Variants in EFL1 observed in about 807,000 individuals in gnomAD.
The protein encoded by EFL1 is elongation factor-like GTPase 1.
In EFL1, 76 loss-of-function variants were observed where a neutral mutation model predicts 126.7. The observed-to-expected ratio is 0.60, with a 90% confidence interval of 0.50 to 0.73. The LOEUF (loss-of-function observed/expected upper bound fraction) is 0.73, where lower values mean the gene tolerates loss of function less well. Among genes scored for constraint, EFL1 ranks in the 30% least tolerant of loss-of-function variants. The probability of loss-of-function intolerance (pLI) is 0.00; values close to 1 mark genes in which losing one functional copy is unlikely to be tolerated. For missense variants in EFL1, 1,128 were observed against 1,343.2 expected (o/e 0.84, Z 2.50); for synonymous variants, 410 against 448.4 (o/e 0.91, Z 1.08).
intron 9 of EFL1, 129 bp from the exon 10 acceptor site, chr15:82,228,456 A>C: frequency 8.2e-7 from 1 of 1,217,530 alleles, no homozygotes; most frequent in Non-Finnish European, 1.1e-6. Flanking sequence ...AAAATGATTG[A>C]AGGGAATCCT....
At chr15:82,225,809 C>T (rs1228954027) in intron 11 of EFL1, among the ~76,000 whole-genome samples, 1 of 152,170 alleles carries the variant, frequency 6.6e-6, no homozygotes, top group Non-Finnish European at 1.5e-5. Flanking sequence ...TCCCTAAATA[C>T]ACAAATTTTA....
rs761803659 is a variant in EFL1, at chr15:82,227,482, G to C, written c.1160C>G (p.Ser387Cys). The change falls in exon 11 of 20, where the codon TCT becomes TGT. Residue 387 changes from serine to cysteine, a missense_variant. Transcript: ENST00000268206. The part of the protein sequence containing the change: ...LMCTGSQTFD[S>C]FPPETQALKA... ...CAGTGCTTGAGTTTCTGGTGGAAAA[G>C]AGTCAAAAGTTTGTGATCCTGTGCA... is the stretch of plus-strand genomic sequence containing the variant. 7 of 1,614,138 alleles carry C rather than the reference G, an allele frequency of 4.3e-6. No homozygotes were observed. In the South Asian group the frequency reaches 6.6e-5, roughly 15 times the overall value.
At chr15:82,249,578 G>A (rs750672772) in intron 4 of EFL1, among the ~76,000 whole-genome samples, 3 of 151,878 alleles carry the variant, frequency 2.0e-5, no homozygotes, top group Non-Finnish European at 4.4e-5. Context: ...AGGATTCAAA[G>A]GCATTACATC....
At chr15:82,189,229 A>C (rs2074332984) in intron 15 of EFL1, among the ~76,000 whole-genome samples, 1 of 152,188 alleles carries the variant, frequency 6.6e-6, no homozygotes, top group African/African-American at 2.4e-5. Flanking sequence ...GGGTATGATA[A>C]TCTTATGGGA....
chr15:82,188,963 C>G (rs1034448556), intron 15 of EFL1, among the ~76,000 whole-genome samples: 8 of 142,092 alleles, frequency 5.6e-5, no homozygotes, highest in Admixed American at 4.3e-4. Context: ...TCTACAAATA[C>G]AGTCATGCAT....
chr15:82,184,569 C>T (rs1383213500), intron 15 of EFL1, among the ~76,000 whole-genome samples: 1 of 152,168 alleles, frequency 6.6e-6, no homozygotes, highest in Non-Finnish European at 1.5e-5. Context: ...TGTACCTTCC[C>T]AGCAGGACCA....
chr15:82,188,182 A>G (rs1374417981), intron 15 of EFL1, among the ~76,000 whole-genome samples: 1 of 152,032 alleles, frequency 6.6e-6, no homozygotes, highest in Non-Finnish European at 1.5e-5. Flanking sequence ...TTTTATTTTC[A>G]AACTTTGAAC....
intron 3 of EFL1, among the ~76,000 whole-genome samples, chr15:82,257,044 G>A (rs1205632182): frequency 6.6e-6 from 1 of 152,208 alleles, no homozygotes; most frequent in East Asian, 1.9e-4. Flanking sequence ...AAGTAGGACT[G>A]AAATTATTCT....
At chr15:82,189,424 C>T (rs2074335446) in intron 15 of EFL1, among the ~76,000 whole-genome samples, 1 of 152,166 alleles carries the variant, frequency 6.6e-6, no homozygotes, top group Non-Finnish European at 1.5e-5. Flanking sequence ...TTAGACAATT[C>T]ATGAATCACA....
At chr15:82,153,208 T>A (rs1402677345) in intron 17 of EFL1, among the ~76,000 whole-genome samples, 1 of 152,166 alleles carries the variant, frequency 6.6e-6, no homozygotes, top group East Asian at 1.9e-4. Context: ...GCCACCAAGT[T>A]CAGAAAGCCC....
intron 19 of EFL1, among the ~76,000 whole-genome samples, chr15:82,138,164 A>C (rs995906591): frequency 3.9e-5 from 6 of 152,282 alleles, no homozygotes; most frequent in South Asian, 2.1e-4. Context: ...GAAACCTTGA[A>C]TCTCCATAAT....
intron 15 of EFL1, among the ~76,000 whole-genome samples, chr15:82,195,259 ACTCAAAGTTACT>A (rs2074397222): frequency 2.0e-5 from 3 of 152,158 alleles, no homozygotes; most frequent in Admixed American, 2.0e-4. Context: ...TCCAGAAAAC[ACTCAAAGTTACT>A]CTGAGGAGTG....
intron 3 of EFL1, among the ~76,000 whole-genome samples, chr15:82,258,457 G>A (rs2075084939): frequency 1.3e-5 from 2 of 152,184 alleles, no homozygotes; most frequent in East Asian, 3.9e-4. Flanking sequence ...AGGCTGAGGT[G>A]GGAGGATCAC....
chr15:82,241,233 T>C, intron 5 of EFL1, 37 bp downstream of exon 5: 1 of 1,611,738 alleles, frequency 6.2e-7, no homozygotes, highest in Non-Finnish European at 8.5e-7. Flanking sequence ...TTCCTCACCC[T>C]TAACCATTTA....
intron 15 of EFL1, among the ~76,000 whole-genome samples, chr15:82,213,901 T>C (rs2074615274): frequency 1.3e-5 from 2 of 152,234 alleles, no homozygotes; most frequent in East Asian, 1.9e-4. Flanking sequence ...TGTAGGTGAA[T>C]AGCAAAATGC....
intron 18 of EFL1, among the ~76,000 whole-genome samples, chr15:82,140,126 C>T (rs571184222): frequency 3.3e-5 from 5 of 152,284 alleles, no homozygotes; most frequent in African/African-American, 9.6e-5. Flanking sequence ...ACACTCCATT[C>T]GTAATGAAAG....
At chr15:82,178,509 T>C (rs2074217496) in intron 15 of EFL1, among the ~76,000 whole-genome samples, 2 of 152,216 alleles carry the variant, frequency 1.3e-5, no homozygotes, top group Admixed American at 1.3e-4. Context: ...AAAGGCATTG[T>C]GGTGACCCAA....
chr15:82,234,331 T>C (rs528604481), intron 7 of EFL1, among the ~76,000 whole-genome samples: 46 of 152,320 alleles, frequency 3.0e-4, no homozygotes, highest in African/African-American at 8.7e-4. Context: ...CTTGAAATCA[T>C]CTTAGCCCAA....
chr15:82,188,918 CTTTTTT>C (rs200171867), intron 15 of EFL1, among the ~76,000 whole-genome samples: 1 of 133,632 alleles, frequency 7.5e-6, no homozygotes. Context: ...TGTGTTTATG[CTTTTTT>C]TTTTTTTTTT....
Sources: allele counts gnomAD v4.1 joint callset (sites outside exome capture counted in the v4.1 genomes callset), GRCh38; gene constraint gnomAD v4.1.1; transcripts MANE v1.5; gene names NCBI Gene and HGNC (gene_info 2026-07-23, HGNC 2026-07-21).